The following NAALADL2 variants were observed in gnomAD, a reference collection of about 807,000 sequenced individuals.
NAALADL2 encodes N-acetylated alpha-linked acidic dipeptidase like 2, also known as inactive N-acetylated-alpha-linked acidic dipeptidase-like protein 2.
In NAALADL2, 76 loss-of-function variants were observed where a neutral mutation model predicts 87.2. That is an observed-to-expected ratio of 0.87 (90% CI 0.72 to 1.05). NAALADL2 has a LOEUF of 1.05. Ranked by LOEUF, NAALADL2 falls within the 50% of genes least tolerant of loss-of-function variation. The probability of loss-of-function intolerance (pLI) is 0.00; values close to 1 mark genes in which losing one functional copy is unlikely to be tolerated. For synonymous variants in NAALADL2, 354 were observed against 331.0 expected, an observed-to-expected ratio of 1.07 and a Z score of -0.75; for missense variants, 1,089 against 945.8, an observed-to-expected ratio of 1.15 and a Z score of -1.99.
intron 1 of NAALADL2, among the ~76,000 whole-genome samples, chr3:175,030,917 AC>A (rs1281838762): frequency 6.6e-6 from 1 of 151,962 alleles, no homozygotes; most frequent in Admixed American, 6.6e-5. Context: ...TGCAGATACT[AC>A]TTTTTTAAAA....
intron 4 of NAALADL2, among the ~76,000 whole-genome samples, chr3:175,295,658 G>A (rs1428784901): frequency 6.6e-6 from 1 of 150,724 alleles, no homozygotes; most frequent in African/African-American, 2.4e-5. Flanking sequence ...AGTGTTATCT[G>A]AAAACACAAT....
At chr3:174,627,314 C>T (rs922641206) in intron 2 of NAALADL2, among the ~76,000 whole-genome samples, 1 of 151,752 alleles carries the variant, frequency 6.6e-6, no homozygotes, top group African/African-American at 2.4e-5. Flanking sequence ...GTACATATGG[C>T]CAAGAAATAT....
chr3:174,475,264 T>G (rs1192270089), intron 1 of NAALADL2, among the ~76,000 whole-genome samples: 2 of 151,772 alleles, frequency 1.3e-5, no homozygotes, highest in East Asian at 1.9e-4. Flanking sequence ...ACTGACTTGA[T>G]TAAATAAAAA....
chr3:175,558,151 C>T (rs1424248520), intron 9 of NAALADL2, among the ~76,000 whole-genome samples: 4 of 142,694 alleles, frequency 2.8e-5, no homozygotes, highest in South Asian at 2.2e-4. Flanking sequence ...GCTGAGATCA[C>T]GCCACTGCAC....
At chr3:175,391,453 A>G (rs544839437) in intron 5 of NAALADL2, among the ~76,000 whole-genome samples, 1 of 152,300 alleles carries the variant, frequency 6.6e-6, no homozygotes, top group South Asian at 2.1e-4. Flanking sequence ...CCATATTGCA[A>G]ACTTCCCTTT....
At chr3:175,370,902 T>C (rs113801866) in intron 5 of NAALADL2, among the ~76,000 whole-genome samples, 338 of 152,318 alleles carry the variant, frequency 2.2e-3, no homozygotes, top group Non-Finnish European at 3.6e-3. Context: ...AGAACCTCTT[T>C]GCTTTCAGCT....
At chr3:175,032,461 G>C (rs1208693266) in intron 1 of NAALADL2, among the ~76,000 whole-genome samples, 2 of 151,844 alleles carry the variant, frequency 1.3e-5, no homozygotes, top group Non-Finnish European at 2.9e-5. Context: ...AACATGCCAG[G>C]TGTTCACCAA....
intron 5 of NAALADL2, among the ~76,000 whole-genome samples, chr3:175,392,818 C>T (rs1192632341): frequency 6.6e-6 from 1 of 152,180 alleles, no homozygotes; most frequent in Non-Finnish European, 1.5e-5. Context: ...CAAATTCTTA[C>T]AGCTTGACAG....
intron 1 of NAALADL2, among the ~76,000 whole-genome samples, chr3:174,896,828 C>T (rs745586906): frequency 1.2e-4 from 18 of 152,078 alleles, no homozygotes; most frequent in Non-Finnish European, 1.9e-4. Context: ...AAAACAGACA[C>T]ATAGACCAAT....
intron 11 of NAALADL2, among the ~76,000 whole-genome samples, chr3:175,717,683 C>A: frequency 6.8e-6 from 1 of 147,698 alleles, no homozygotes; most frequent in South Asian, 2.1e-4. Context: ...AGAATGAGAC[C>A]CTGTCTCCAA....
intron 4 of NAALADL2, among the ~76,000 whole-genome samples, chr3:175,291,574 G>A (rs9868560): frequency 0.78 from 118,982 of 152,026 alleles, 47,226 homozygotes; most frequent in African/African-American, 0.87. Context: ...CAAAGTTTCA[G>A]TGTTTTACAA....
chr3:174,937,033 GAGATA>G (rs1461598682), intron 1 of NAALADL2, among the ~76,000 whole-genome samples: 1 of 152,082 alleles, frequency 6.6e-6, no homozygotes, highest in Non-Finnish European at 1.5e-5. Flanking sequence ...AAGAGCCAGA[GAGATA>G]AGATTCAGAT....
rs575754666 is a variant in NAALADL2 at position 174,798,563 on chromosome 3, C to T, written c.-9+60817C>T. 1.2e-4 allele frequency among the ~76,000 whole-genome samples: 18 copies of T among 152,228 alleles called. No homozygotes were observed. The South Asian group carries it at 3.7e-3, about 32-fold the overall frequency. ...AATGTGGAGACTTGTGATCAATAAA[C>T]ATGGGATGTTTTTCCATTCATTTTT... On this transcript the variant is annotated intron_variant, in intron 3 of 3. Transcript: ENST00000434257.
intron 1 of NAALADL2, among the ~76,000 whole-genome samples, chr3:174,905,458 T>C (rs1328358171): frequency 6.6e-6 from 1 of 151,966 alleles, no homozygotes; most frequent in East Asian, 1.9e-4. Context: ...AAAGTTAAAT[T>C]GGCATCAGTT....
At chr3:174,472,105 T>C (rs1716941490) in intron 1 of NAALADL2, among the ~76,000 whole-genome samples, 1 of 152,180 alleles carries the variant, frequency 6.6e-6, no homozygotes, top group African/African-American at 2.4e-5. Flanking sequence ...TCATAGTCAG[T>C]GATCATATCT....
At chr3:174,632,568 C>G (rs564065524) in intron 2 of NAALADL2, among the ~76,000 whole-genome samples, 2 of 151,356 alleles carry the variant, frequency 1.3e-5, no homozygotes, top group East Asian at 3.9e-4. Flanking sequence ...TGGGTGAAGA[C>G]CTAAAGGAGG....
At chr3:175,191,144 G>A (rs1014940652) in intron 2 of NAALADL2, among the ~76,000 whole-genome samples, 1 of 152,132 alleles carries the variant, frequency 6.6e-6, no homozygotes, top group Non-Finnish European at 1.5e-5. Flanking sequence ...AAAAAGGAGG[G>A]AGGGCTAACT....
chr3:174,875,399 C>T (rs368259936), intron 1 of NAALADL2, among the ~76,000 whole-genome samples: 2 of 151,844 alleles, frequency 1.3e-5, no homozygotes, highest in Non-Finnish European at 2.9e-5. Context: ...CATAGAAATA[C>T]AGGAGGAATA....
intron 11 of NAALADL2, among the ~76,000 whole-genome samples, chr3:175,708,604 G>GAAA (rs374500614): frequency 1.4e-5 from 2 of 145,174 alleles, no homozygotes; most frequent in African/African-American, 5.0e-5. Flanking sequence ...ACTAGGATGA[G>GAAA]AAAAAAAAAA....
Sources: gnomAD v4.1 joint callset for allele counts (sites outside exome capture counted in the v4.1 genomes callset) on GRCh38, gnomAD v4.1.1 for gene constraint, MANE v1.5 for transcripts, NCBI Gene and HGNC (gene_info 2026-07-23, HGNC 2026-07-21) for gene names.